Variants in RGS3 observed in about 807,000 individuals in gnomAD.
RGS3 encodes regulator of G protein signaling 3, also known as regulator of G-protein signalling 3.
A neutral mutation model predicts 132.6 loss-of-function variants in RGS3; 80 were observed. The observed-to-expected ratio is 0.60, with a 90% CI of 0.50 to 0.73. RGS3 has a LOEUF of 0.73. RGS3 is among the 30% of genes least tolerant of loss of function. The pLI is 0.00. For missense variants in RGS3, 1,382 were observed against 1,530.8 expected (o/e 0.90, Z 1.62); for synonymous variants, 598 against 620.6 (o/e 0.96, Z 0.54).
chr9:113,523,225 A>G (rs1371747633), intron 17 of RGS3, among the ~76,000 whole-genome samples, 184 bp downstream of exon 15: 2 of 152,048 alleles, frequency 1.3e-5, no homozygotes, highest in Non-Finnish European at 2.9e-5. Context: ...AAGCCTTCTG[A>G]TATACCTGAG....
At chr9:113,569,093 G>A (rs546924344) in intron 19 of RGS3, among the ~76,000 whole-genome samples, 2 of 152,210 alleles carry the variant, frequency 1.3e-5, no homozygotes, top group South Asian at 2.1e-4. Flanking sequence ...GGGCCAGCCC[G>A]CTTGCACCTG....
intron 3 of RGS3, among the ~76,000 whole-genome samples, chr9:113,471,448 T>C (rs971462595): frequency 6.6e-6 from 1 of 152,164 alleles, no homozygotes; most frequent in Admixed American, 6.5e-5. Context: ...CTCTCTCTCT[T>C]GTTGTTTATC....
exon 20 of RGS3, chr9:113,583,923 G>A: frequency 1.9e-6 from 3 of 1,614,090 alleles, no homozygotes; most frequent in South Asian, 2.2e-5. Flanking sequence ...TGAGCTCCGG[G>A]GACCTACTAG....
intron 19 of RGS3, among the ~76,000 whole-genome samples, chr9:113,543,966 G>A (rs568327611): frequency 6.6e-6 from 1 of 152,292 alleles, no homozygotes; most frequent in African/African-American, 2.4e-5. Flanking sequence ...CCACAGGCTC[G>A]AGAAGATGAA....
In RGS3 at chr9:113,565,036, G is replaced by A; in HGVS notation, c.2038-18414G>A. 2 of 1,124,298 alleles carry A rather than the reference G, an allele frequency of 1.8e-6. No homozygotes were observed. The highest frequency in any genetic ancestry group is 2.0e-5 in the South Asian group (1 of 50,262). The allele number at this position is 1,124,298 out of a possible 1,614,324, so 69.6% of individuals were successfully genotyped here. On this transcript the variant is annotated intron_variant, in intron 19 of 24. Transcript: ENST00000350696. This position sits in a 1 kb window ranked among gnomAD's most constrained non-coding sequence, Gnocchi z 5.7. ...TGGGAGCCCTCAGGATGTGTGTGGG[G>A]TGGAGCCTGCTAGGGATCCCAGTGC...
intron 2 of RGS3, chr9:113,461,983 G>A: frequency 1.2e-6 from 2 of 1,605,860 alleles, no homozygotes. Context: ...AGCATCTTCA[G>A]GCCATGGCTA....
chr9:113,500,797 C>T (rs371924780), intron 10 of RGS3, among the ~76,000 whole-genome samples: 1 of 151,646 alleles, frequency 6.6e-6, no homozygotes. Flanking sequence ...AAGTGATTCT[C>T]CTGCCTTAGC....
At position 113,580,752 on chromosome 9, in the gene RGS3, G is replaced by A. The variant is rs1338701947; in HGVS notation, c.2038-2698G>A. ...TCCTGGCTTTGTTTGGTTTGGCCTC[G>A]ATTTAGAACAGGGTTGGCAGAGGCA... On this transcript the variant is annotated intron_variant, in intron 19 of 24. Transcript: ENST00000350696. 10 of 977,224 alleles carry A rather than the reference G, an allele frequency of 1.0e-5. No homozygotes were observed. The African/African-American group carries it at 1.2e-4, about 12-fold the overall frequency. The allele number at this position is 977,224 out of a possible 1,614,324, so 60.5% of individuals were successfully genotyped here.
chr9:113,487,899 A>G (rs1483401935), intron 7 of RGS3, among the ~76,000 whole-genome samples: 1 of 152,162 alleles, frequency 6.6e-6, no homozygotes, highest in Non-Finnish European at 1.5e-5. Context: ...GCGTCAGATT[A>G]ATTACATCCA....
At chr9:113,534,126 G>A (rs369040083) in intron 18 of RGS3, among the ~76,000 whole-genome samples, 9 of 152,338 alleles carry the variant, frequency 5.9e-5, no homozygotes, top group African/African-American at 1.9e-4. Context: ...GTTGGATGCA[G>A]GGTAGAAGAA....
Position 113,588,348 on chromosome 9 carries a change from G to T in RGS3, c.3016-2985G>T, listed in dbSNP as rs141467752. On this transcript the variant is annotated intron_variant, in intron 20 of 24. Coordinates refer to ENST00000350696, the Ensembl canonical transcript of RGS3. ...TAGAGTTTAAATCCACTGTTTCCAC[G>T]TGGTTCCATGGGGCCTGCCAGCCTG... 1.0e-3 allele frequency among the ~76,000 whole-genome samples: 154 copies of T among 152,362 alleles called. 1 individual carries two copies. Among genetic ancestry groups the T allele is most frequent in the Non-Finnish European group, 1.9e-3 (126 of 68,042 alleles).
At chr9:113,578,100 T>C (rs751677359) in intron 19 of RGS3, among the ~76,000 whole-genome samples, 3 of 152,126 alleles carry the variant, frequency 2.0e-5, no homozygotes, top group Admixed American at 2.0e-4. Context: ...CAGATAGCGA[T>C]TGTGGCCTGG....
intron 1 of RGS3, among the ~76,000 whole-genome samples, chr9:113,449,338 G>A (rs1188748584): frequency 1.3e-5 from 2 of 152,124 alleles, no homozygotes; most frequent in African/African-American, 4.8e-5. Context: ...GGAGTGAGGT[G>A]CTTTATTATC....
At chr9:113,596,995 G>A (rs1386190800) in exon 25 of RGS3, 7 of 1,536,706 alleles carry the variant, frequency 4.6e-6, no homozygotes, top group Non-Finnish European at 6.1e-6. Context: ...CAGGCGGGCT[G>A]GGTCCCCTGC....
chr9:113,552,243 G>A (rs1461941138), intron 19 of RGS3, among the ~76,000 whole-genome samples: 2 of 152,024 alleles, frequency 1.3e-5, no homozygotes, highest in Admixed American at 6.5e-5. Flanking sequence ...CAATTCTTAT[G>A]CATTATATTA....
Position 113,463,505 on chromosome 9 carries a change from G to C in RGS3, c.415+1304G>C, listed in dbSNP as rs756883302. On this transcript the variant is annotated intron_variant, in intron 3 of 24. Coordinates refer to ENST00000350696, the Ensembl canonical transcript of RGS3. The surrounding 1 kb of genome is among the most constrained non-coding windows in gnomAD (Gnocchi z 4.6). ...CAACCGGGAGCGCGGTGCTGGGGCCGGGATACCCGGGGTGGCCGCACCGTC... is the reference window on the plus strand; with the variant it reads ...CAACCGGGAGCGCGGTGCTGGGGCCCGGATACCCGGGGTGGCCGCACCGTC... Among the ~76,000 whole-genome samples the C allele has an allele frequency of 6.6e-6, 1 of 152,280 alleles. No homozygotes were observed. The highest frequency in any genetic ancestry group is 1.9e-4 in the East Asian group (1 of 5,156).
chr9:113,594,028 G>T (rs1452220235), intron 21 of RGS3: 2 of 1,612,922 alleles, frequency 1.2e-6, no homozygotes, highest in Non-Finnish European at 8.5e-7. Flanking sequence ...CCCTCTCAGG[G>T]TTGGCCAGAA....
At chr9:113,484,811 G>A (rs187192643) in intron 6 of RGS3, among the ~76,000 whole-genome samples, 197 of 152,182 alleles carry the variant, frequency 1.3e-3, no homozygotes, top group Admixed American at 3.5e-3. Context: ...TGTACATTTT[G>A]TATTTTCCTA....
At chr9:113,582,337 C>T (rs1834864468) in intron 19 of RGS3, 2 of 493,476 alleles carry the variant, frequency 4.1e-6, no homozygotes, top group Non-Finnish European at 5.3e-6. Context: ...TCTGGGGGTA[C>T]TTACCCCTGA....
Sources: gnomAD v4.1 joint callset for allele counts (sites outside exome capture counted in the v4.1 genomes callset) on GRCh38, gnomAD v4.1.1 for gene constraint, Gnocchi (gnomAD v3.1) non-coding constraint, MANE v1.5 for transcripts, NCBI Gene and HGNC (gene_info 2026-07-23, HGNC 2026-07-21) for gene names.